PTPRD: variants seen among roughly 807,000 people sequenced by gnomAD.
The protein encoded by PTPRD is receptor-type tyrosine-protein phosphatase delta.
In PTPRD, 34 loss-of-function variants were observed where a neutral mutation model predicts 214.5. The observed-to-expected ratio is 0.16, with a 90% CI of 0.12 to 0.21. The LOEUF (loss-of-function observed/expected upper bound fraction) is 0.21. PTPRD is among the 10% of genes least tolerant of loss of function. The pLI is 1.00. For missense variants in PTPRD, 2,545 were observed against 2,398.7 expected (o/e 1.06, Z -1.27); for synonymous variants, 1,128 against 845.7 (o/e 1.33, Z -5.79).
At chr9:9,537,643 G>C (rs1246602515) in intron 8 of PTPRD, among the ~76,000 whole-genome samples, 1 of 151,964 alleles carries the variant, frequency 6.6e-6, no homozygotes, top group Non-Finnish European at 1.5e-5. Flanking sequence ...TGAATTTACT[G>C]TAAAGATATG....
chr9:10,234,151 G>C (rs764286267), intron 3 of PTPRD, among the ~76,000 whole-genome samples: 2 of 151,668 alleles, frequency 1.3e-5, no homozygotes, highest in African/African-American at 2.4e-5. Flanking sequence ...CTACTCAGGA[G>C]GCTGATGCAG....
intron 2 of PTPRD, among the ~76,000 whole-genome samples, chr9:10,388,986 T>C (rs1450214569): frequency 6.6e-6 from 1 of 151,826 alleles, no homozygotes; most frequent in Non-Finnish European, 1.5e-5. Context: ...AATAATAACT[T>C]CAATATAAGT....
intron 8 of PTPRD, among the ~76,000 whole-genome samples, chr9:9,457,765 C>G (rs1034266748): frequency 1.4e-5 from 2 of 147,588 alleles, no homozygotes; most frequent in East Asian, 3.9e-4. Flanking sequence ...AATGTTTTCC[C>G]CCAAATACAG....
intron 35 of PTPRD, among the ~76,000 whole-genome samples, chr9:8,405,976 C>G (rs1480750277): frequency 6.6e-6 from 1 of 152,136 alleles, no homozygotes; most frequent in Non-Finnish European, 1.5e-5. Flanking sequence ...TGAATAGCCT[C>G]CAAGCATTCT....
intron 14 of PTPRD, among the ~76,000 whole-genome samples, chr9:8,550,717 C>T (rs1456567429): frequency 2.6e-5 from 4 of 152,180 alleles, no homozygotes; most frequent in African/African-American, 2.4e-5. Context: ...AGTATAAAAG[C>T]TCAGCCCTAA....
At chr9:9,116,982 GT>G (rs1569546605) in intron 10 of PTPRD, among the ~76,000 whole-genome samples, 1 of 151,970 alleles carries the variant, frequency 6.6e-6, no homozygotes, top group African/African-American at 2.4e-5. Flanking sequence ...AATGCTCAGG[GT>G]GTGTGTGTGT....
intron 5 of PTPRD, among the ~76,000 whole-genome samples, chr9:9,880,644 G>A (rs1473998807): frequency 6.6e-6 from 1 of 152,092 alleles, no homozygotes; most frequent in East Asian, 1.9e-4. Flanking sequence ...TGTGTTGTGT[G>A]CTTGTGTGTG....
intron 4 of PTPRD, among the ~76,000 whole-genome samples, chr9:9,949,024 G>T (rs937913723): frequency 6.6e-6 from 1 of 151,908 alleles, no homozygotes; most frequent in Non-Finnish European, 1.5e-5. Flanking sequence ...TGGGATAAAG[G>T]GTGAAGAATA....
intron 10 of PTPRD, among the ~76,000 whole-genome samples, chr9:9,116,775 G>A (rs746799498): frequency 2.0e-5 from 3 of 151,988 alleles, no homozygotes; most frequent in Non-Finnish European, 2.9e-5. Context: ...TCCTCTACAT[G>A]CAGAGGATCA....
chr9:9,865,195 C>G (rs191486116), intron 5 of PTPRD, among the ~76,000 whole-genome samples: 1 of 152,212 alleles, frequency 6.6e-6, no homozygotes, highest in African/African-American at 2.4e-5. Flanking sequence ...GTGTCACAAG[C>G]AATAAATCTA....
intron 3 of PTPRD, among the ~76,000 whole-genome samples, chr9:10,322,049 G>C (rs1464366215): frequency 6.6e-6 from 1 of 151,912 alleles, no homozygotes; most frequent in Non-Finnish European, 1.5e-5. Context: ...CAAATCAAAA[G>C]ACGGAGTGAG....
At chr9:8,496,690 C>T (rs952716381) in intron 26 of PTPRD, among the ~76,000 whole-genome samples, 7 of 152,262 alleles carry the variant, frequency 4.6e-5, no homozygotes, top group East Asian at 3.9e-4. Flanking sequence ...ACTGGATATG[C>T]GATCCTGGAG....
At chr9:9,642,333 T>C (rs1400755301) in intron 7 of PTPRD, among the ~76,000 whole-genome samples, 1 of 148,788 alleles carries the variant, frequency 6.7e-6, no homozygotes, top group Non-Finnish European at 1.5e-5. Context: ...AGTTAGTGGG[T>C]GCAGCGCACC....
intron 9 of PTPRD, among the ~76,000 whole-genome samples, chr9:9,293,206 T>C (rs111939986): frequency 5.9e-5 from 9 of 151,712 alleles, no homozygotes; most frequent in African/African-American, 1.9e-4. Context: ...TACTCATTCC[T>C]CAATTCATTT....
chr9:10,292,276 G>A (rs1322527213), intron 3 of PTPRD, among the ~76,000 whole-genome samples: 1 of 152,022 alleles, frequency 6.6e-6, no homozygotes, highest in African/African-American at 2.4e-5. Context: ...CGCCTTCAAT[G>A]TCTCTGAAAT....
rs1017424679 is a variant in PTPRD, at chr9:8,716,467, T to C, written c.64+17313A>G. Among the ~76,000 whole-genome samples, 9 of 152,236 alleles carry C rather than the reference T, an allele frequency of 5.9e-5. No homozygotes were observed. In the East Asian group the frequency reaches 7.7e-4, roughly 13 times the overall value. On this transcript the variant is annotated intron_variant, in intron 12 of 45. Coordinates refer to ENST00000381196, the MANE Select transcript of PTPRD (RefSeq NM_002839.4). ...TTGCTGCCAATTCTTACATTTCCTATTGTTAAGCACAGAAATAGCTGGAAA... is the reference window on the plus strand; with the variant it reads ...TTGCTGCCAATTCTTACATTTCCTACTGTTAAGCACAGAAATAGCTGGAAA...
At chr9:9,147,021 G>C (rs2099869703) in intron 10 of PTPRD, among the ~76,000 whole-genome samples, 1 of 152,088 alleles carries the variant, frequency 6.6e-6, no homozygotes, top group African/African-American at 2.4e-5. Flanking sequence ...CTTGAACCCA[G>C]TGTGTGTATA....
intron 4 of PTPRD, among the ~76,000 whole-genome samples, chr9:10,030,774 A>T (rs2097048806): frequency 6.6e-6 from 1 of 152,194 alleles, no homozygotes; most frequent in Non-Finnish European, 1.5e-5. Flanking sequence ...TTATTTAGTG[A>T]AGATACAAAC....
intron 5 of PTPRD, among the ~76,000 whole-genome samples, chr9:9,840,617 G>T (rs1016656876): frequency 6.6e-6 from 1 of 151,828 alleles, no homozygotes; most frequent in Admixed American, 6.6e-5. Context: ...AAGGGAATTA[G>T]CTGGGCGTGG....
Sources: gnomAD v4.1 joint callset for allele counts (sites outside exome capture counted in the v4.1 genomes callset) on GRCh38, gnomAD v4.1.1 for gene constraint, MANE v1.5 for transcripts, NCBI Gene and HGNC (gene_info 2026-07-23, HGNC 2026-07-21) for gene names.